The following FAM120AOS variants were observed in gnomAD, a reference collection of about 807,000 sequenced individuals.
FAM120AOS encodes the protein uncharacterized protein FAM120AOS.
Under a neutral mutation model 20.2 loss-of-function variants are expected in FAM120AOS, and 15 were observed. The observed-to-expected ratio is 0.74, with a 90% confidence interval of 0.50 to 1.15. The LOEUF is 1.15. Ranked by LOEUF, FAM120AOS falls within the 50% of genes most tolerant of loss-of-function variation. FAM120AOS has a pLI of 0.00. For missense variants in FAM120AOS, 327 were observed against 351.9 expected, an observed-to-expected ratio of 0.93 and a Z score of 0.57; for synonymous variants, 154 against 154.0, an observed-to-expected ratio of 1.00 and a Z score of 0.00.
Position 93,449,982 on chromosome 9 carries a change from TTTTA to T in FAM120AOS, c.684+493_684+496del, listed in dbSNP as rs143319909. Among the ~76,000 whole-genome samples the T allele has an allele frequency of 6.0e-3, 920 of 152,266 alleles. 10 individuals carry two copies. Among genetic ancestry groups the T allele is most frequent in the African/African-American group, 0.021 (884 of 41,542 alleles). On this transcript the variant is annotated intron_variant, in intron 2 of 2. Transcript: ENST00000375412. Reference sequence around the variant, plus strand: ...ATTTAATGGCTAACTGTATTATTTCTTTTATTTATTTATTTATTTTTGAGACGGA... The same window carrying T: ...ATTTAATGGCTAACTGTATTATTTCTTTTATTTATTTATTTTTGAGACGGA...
chr9:93,452,395 G>A lies in FAM120AOS; in HGVS notation c.315C>T (p.Gly105=), dbSNP rs1857282910. 1.2e-6 allele frequency: 2 copies of A among 1,602,958 alleles called. No homozygotes were observed. The highest frequency in any genetic ancestry group is 1.3e-5 in the African/African-American group (1 of 74,732). The change falls in exon 1 of 3, where the codon GGC becomes GGT. Residue 105 remains glycine, a synonymous_variant. Transcript: ENST00000375412. This position sits in a 1 kb window ranked among gnomAD's most constrained non-coding sequence, Gnocchi z 7.0. ...TCATCCGCTTCCACGTCAAGGTGAGGCCGGGGATCCGGGCGGGCCGGGGAC... is the reference window on the plus strand; with the variant it reads ...TCATCCGCTTCCACGTCAAGGTGAGACCGGGGATCCGGGCGGGCCGGGGAC... ...GPGPRPARIP[G]LTLTWKRMSA...
At position 93,446,099 on chromosome 9, in the gene FAM120AOS, C is replaced by A. The variant is rs1419671625; in HGVS notation, c.*1512G>T. 6.6e-6 allele frequency among the ~76,000 whole-genome samples: 1 copy of A among 152,104 alleles called. No individual in the cohort carries two copies. The highest frequency in any genetic ancestry group is 6.5e-5 in the Admixed American group (1 of 15,272). On this transcript the variant is annotated 3_prime_UTR_variant, in exon 3 of 3. Transcript: ENST00000375412. ...GAGCTTTCCCAGACTCTTGTTCCAC[C>A]CTAAGGATAAAGTATTACAGTAACT...
At position 93,444,166 on chromosome 9, in the gene FAM120AOS, G is replaced by C. The variant is rs890841170; in HGVS notation, c.*3445C>G. 2.6e-5 allele frequency among the ~76,000 whole-genome samples: 4 copies of C among 151,020 alleles called. No homozygotes were observed. The highest frequency in any genetic ancestry group is 1.3e-4 in the Admixed American group (2 of 15,178). On this transcript the variant is annotated 3_prime_UTR_variant, in exon 3 of 3. Coordinates refer to ENST00000375412, the MANE Select transcript of FAM120AOS (RefSeq NM_198841.4). ...AGCGATTCTCCTGCCTCAGCCTCCC[G>C]AGTAGCTGGAATTATAGGCATGCAC...
rs1856767303 is a variant in FAM120AOS at position 93,443,792 on chromosome 9, C to T, written c.*3819G>A. ...TTCAGGTCTTTGCTCTTCAGGATTT[C>T]CCCCCAGACTCCCTGGCACCCAGGG... is the stretch of plus-strand genomic sequence containing the variant. On this transcript the variant is annotated 3_prime_UTR_variant, in exon 3 of 3. Transcript: ENST00000375412. Among the ~76,000 whole-genome samples, 1 of 152,114 alleles carries T rather than the reference C, an allele frequency of 6.6e-6. No individual in the cohort carries two copies. The highest frequency in any genetic ancestry group is 2.4e-5 in the African/African-American group (1 of 41,424).
At chr9:93,451,495 C>G in intron 1 of FAM120AOS, 1 of 1,032,768 alleles carries the variant, frequency 9.7e-7, no homozygotes, top group Non-Finnish European at 1.2e-6. Context: ...CAGAAGCCTC[C>G]CGGATCCCGT....
intron 2 of FAM120AOS, among the ~76,000 whole-genome samples, chr9:93,449,444 T>C (rs1294706381): frequency 6.6e-6 from 1 of 150,712 alleles, no homozygotes; most frequent in Non-Finnish European, 1.5e-5. Flanking sequence ...TACAATATAA[T>C]AAGGTGAAAA....
Position 93,452,425 on chromosome 9 carries a change from G to A in FAM120AOS, c.285C>T (p.Gly95=). 1 of 1,574,904 alleles carries A rather than the reference G, an allele frequency of 6.3e-7. No homozygotes were observed. ...ALGRGIGVRR[G]PGPRPARIPG... ...GGATCCGGGCGGGCCGGGGACCGGG[G>A]CCGCGCCGCACCCCTATCCCCCTTC... is the stretch of plus-strand genomic sequence containing the variant. The change falls in exon 1 of 3, where the codon GGC becomes GGT. Residue 95 remains glycine (G), a synonymous_variant. Coordinates refer to ENST00000375412, the MANE Select transcript of FAM120AOS (RefSeq NM_198841.4). This position sits in a 1 kb window ranked among gnomAD's most constrained non-coding sequence, Gnocchi z 7.0.
chr9:93,449,492 A>ATTTTTTTTTT (rs10667664), intron 2 of FAM120AOS, among the ~76,000 whole-genome samples: 3 of 109,534 alleles, frequency 2.7e-5, no homozygotes, highest in African/African-American at 7.4e-5. Context: ...TGGCACTGGC[A>ATTTTTTTTTT]TTTTTTTTTT....
chr9:93,452,542 C>G lies in FAM120AOS; in HGVS notation c.168G>C (p.Leu56Phe), dbSNP rs1450313198. 1 of 1,574,576 alleles carries G rather than the reference C, an allele frequency of 6.4e-7. No individual in the cohort carries two copies. Among genetic ancestry groups the G allele is most frequent in the South Asian group, 1.1e-5 (1 of 89,386 alleles). ...ARGLHPRPSI[L>F]QPGPARLSRA... ...GGGATAGCCTGGCCGGGCCGGGCTG[C>G]AAGATGGATGGCCGCGGGTGCAGGC... Residue 56 changes from leucine (L) to phenylalanine (F), a missense_variant, in exon 1 of 3, where the codon TTG becomes TTC. Coordinates refer to ENST00000375412, the MANE Select transcript of FAM120AOS (RefSeq NM_198841.4). The surrounding 1 kb of genome is among the most constrained non-coding windows in gnomAD (Gnocchi z 7.0).
At chr9:93,450,755 T>A in intron 1 of FAM120AOS, 156 bp from the exon 2 acceptor site, 1 of 1,222,726 alleles carries the variant, frequency 8.2e-7, no homozygotes, top group African/African-American at 1.5e-5. Flanking sequence ...ATCAACCTCA[T>A]TTTAGAAGCA....
intron 1 of FAM120AOS, chr9:93,451,881 C>T: frequency 2.5e-6 from 3 of 1,208,586 alleles, no homozygotes; most frequent in Non-Finnish European, 3.1e-6. Context: ...CCGCCGCCCC[C>T]CGCCCGCACC....
chr9:93,453,214 A>G lies in FAM120AOS; in HGVS notation c.-505T>C, dbSNP rs1857364912. On this transcript the variant is annotated 5_prime_UTR_variant, in exon 1 of 3. Coordinates refer to ENST00000375412, the MANE Select transcript of FAM120AOS (RefSeq NM_198841.4). ...GGATTTATTTTTCGGGTGCACAGTA[A>G]GTATTCAGTGACCTTCAGCGGTGCC... 1.0e-6 allele frequency: 1 copy of G among 1,002,972 alleles called. No individual in the cohort carries two copies. Among genetic ancestry groups the G allele is most frequent in the African/African-American group, 1.7e-5 (1 of 57,318 alleles). 62.1% of individuals were successfully genotyped at this position (1,002,972 alleles called of 1,614,324 possible).
rs767913075 is a variant in FAM120AOS, at chr9:93,452,194, C to T, written c.516G>A (p.Thr172=). The T allele has an allele frequency of 8.7e-6, 14 of 1,611,870 alleles. No homozygotes were observed. The highest frequency in any genetic ancestry group is 1.2e-5 in the Non-Finnish European group (14 of 1,179,758). Residue 172 remains threonine, a synonymous_variant, in exon 1 of 3, where the codon ACG becomes ACA. Coordinates refer to ENST00000375412, the MANE Select transcript of FAM120AOS (RefSeq NM_198841.4). This position sits in a 1 kb window ranked among gnomAD's most constrained non-coding sequence, Gnocchi z 7.0. ...GCTTCGGCGGCAACATCGAGCTCTTCGTCTTCTTCAACGGCGCGCTCGAGA... is the reference window on the plus strand; with the variant it reads ...GCTTCGGCGGCAACATCGAGCTCTTTGTCTTCTTCAACGGCGCGCTCGAGA... ...RAFSSAPLKK[T]KSSMLPPKQA... is the part of the protein sequence containing the mutation.
intron 2 of FAM120AOS, among the ~76,000 whole-genome samples, chr9:93,449,840 AC>A (rs2131139395): frequency 6.6e-6 from 1 of 152,166 alleles, no homozygotes; most frequent in South Asian, 2.1e-4. Flanking sequence ...AAAGGTAAAT[AC>A]ACGGAATGCA....
intron 2 of FAM120AOS, chr9:93,448,433 C>A: frequency 4.6e-6 from 1 of 215,786 alleles, no homozygotes; most frequent in South Asian, 4.9e-5. Context: ...AGGGAGGTTG[C>A]AGTGAGCTGA....
chr9:93,445,583 G>GTTTTTTTTT lies in FAM120AOS; in HGVS notation c.*2019_*2027dup, dbSNP rs71364380. On this transcript the variant is annotated 3_prime_UTR_variant, in exon 3 of 3. Coordinates refer to ENST00000375412, the MANE Select transcript of FAM120AOS (RefSeq NM_198841.4). ...TTCTCCAACTTTCATAAAAATCGTT[G>GTTTTTTTTT]TTTTTTTTTTTTTTTTTTTTTTTTG... is the stretch of plus-strand genomic sequence containing the variant. 6.2e-5 allele frequency among the ~76,000 whole-genome samples: 5 copies of GTTTTTTTTT among 80,098 alleles called. No individual in the cohort carries two copies. Among genetic ancestry groups the GTTTTTTTTT allele is most frequent in the South Asian group, 4.7e-4 (1 of 2,124 alleles). The allele number at this position is 80,098 out of a possible 152,430, so 52.5% of individuals were successfully genotyped here.
chr9:93,448,124 T>G (rs769344156), intron 2 of FAM120AOS, among the ~76,000 whole-genome samples: 1 of 152,228 alleles, frequency 6.6e-6, no homozygotes, highest in African/African-American at 2.4e-5. Context: ...TAAGGTCTCT[T>G]ATTACCTTGT....
Position 93,452,812 on chromosome 9 carries a change from C to A in FAM120AOS, c.-103G>T, listed in dbSNP as rs1382592950. On this transcript the variant is annotated 5_prime_UTR_variant, in exon 1 of 3. Transcript: ENST00000375412. This position sits in a 1 kb window ranked among gnomAD's most constrained non-coding sequence, Gnocchi z 7.0. Reference sequence around the variant, plus strand: ...CCCAGCAACAGGTTCATCTTGGAAGCAGGCAGGATACAGAGTAATAGAGGG... The same window carrying A: ...CCCAGCAACAGGTTCATCTTGGAAGAAGGCAGGATACAGAGTAATAGAGGG... 1.9e-6 allele frequency: 3 copies of A among 1,581,464 alleles called. No individual in the cohort carries two copies. The highest frequency in any genetic ancestry group is 2.7e-5 in the African/African-American group (2 of 74,310).
rs1388790136 is a variant in FAM120AOS at position 93,452,471 on chromosome 9, C to T, written c.239G>A (p.Arg80Gln). 1 of 1,543,586 alleles carries T rather than the reference C, an allele frequency of 6.5e-7. No individual in the cohort carries two copies. Among genetic ancestry groups the T allele is most frequent in the African/African-American group, 1.4e-5 (1 of 73,152 alleles). ...CCTTCCCAGGGCGCAGAATGTCGCC[C>T]GGCCGTGGCGGCGCTGGGGGCAGCG... ...GTRCPQRRHGRATFCALGRGI... is the reference protein window; with the variant it reads ...GTRCPQRRHGQATFCALGRGI... Residue 80 changes from arginine to glutamine, a missense_variant, in exon 1 of 3, where the codon CGG (arginine) becomes CAG (glutamine). Around this residue, in one of 3 missense-constraint regions of FAM120AOS, gnomAD observed 155 missense variants for 128.8 expected, o/e 1.20. Transcript: ENST00000375412. This position sits in a 1 kb window ranked among gnomAD's most constrained non-coding sequence, Gnocchi z 7.0.
Sources: gnomAD v4.1 joint callset for allele counts (sites outside exome capture counted in the v4.1 genomes callset) on GRCh38, gnomAD v4.1.1 for gene constraint, gnomAD v4.1.1 regional missense constraint, Gnocchi (gnomAD v3.1) non-coding constraint, MANE v1.5 for transcripts, NCBI Gene and HGNC (gene_info 2026-07-23, HGNC 2026-07-21) for gene names.